ITPRIPL1: variants seen among roughly 807,000 people sequenced by gnomAD.
The protein encoded by ITPRIPL1 is ITPRIP like 1.
A neutral mutation model predicts 40.0 loss-of-function variants in ITPRIPL1; 28 were observed. That is an observed-to-expected ratio of 0.70 (90% CI 0.52 to 0.96). The LOEUF (loss-of-function observed/expected upper bound fraction) is 0.96. Ranked by LOEUF, ITPRIPL1 falls within the 40% of genes least tolerant of loss-of-function variation. The pLI, the probability that ITPRIPL1 is intolerant of heterozygous loss-of-function variation, is 0.00. For missense variants in ITPRIPL1, 638 were observed against 698.0 expected (o/e 0.91, Z 0.97); for synonymous variants, 251 against 275.7 (o/e 0.91, Z 0.89).
Position 96,327,767 on chromosome 2 carries a change from T to C in ITPRIPL1, c.1136T>C (p.Leu379Pro). ...GVQREDTLVY[L>P]VSQAPDQEQL... The stretch of plus-strand genomic sequence containing the variant: ...CAACGAGAAGACACCTTGGTCTACC[T>C]GGTGAGTCAGGCTCCTGACCAGGAG... Residue 379 changes from leucine to proline, a missense_variant, in exon 3 of 3, where the codon CTG (leucine) becomes CCG (proline). Physicochemically the swap from Leu to Pro is moderately conservative, Grantham distance 98. Coordinates refer to ENST00000439118, the MANE Select transcript of ITPRIPL1 (RefSeq NM_001008949.3). The C allele has an allele frequency of 6.2e-7, 1 of 1,614,008 alleles. No individual in the cohort carries two copies. The highest frequency in any genetic ancestry group is 2.2e-5 in the East Asian group (1 of 44,882).
chr2:96,327,496 C>A lies in ITPRIPL1; in HGVS notation c.865C>A (p.His289Asn), dbSNP rs2104389374. Residue 289 changes from histidine (H) to asparagine (N), a missense_variant, in exon 3 of 3, where the codon CAC becomes AAC. His to Asn is a moderately conservative substitution (Grantham distance 68). Transcript: ENST00000439118. ...LGDVLCLVHH[H>N]RDPSAVLGKC... ...GGACGTGCTGTGCCTGGTGCACCAC[C>A]ACAGGGACCCCTCGGCAGTCTTGGG... 1.2e-6 allele frequency: 2 copies of A among 1,614,056 alleles called. No individual in the cohort carries two copies. Among genetic ancestry groups the A allele is most frequent in the Non-Finnish European group, 8.5e-7 (1 of 1,179,994 alleles).
At position 96,328,309 on chromosome 2, in the gene ITPRIPL1, C is replaced by G; in HGVS notation, c.*10C>G. On this transcript the variant is annotated 3_prime_UTR_variant, in exon 3 of 3. Coordinates refer to ENST00000439118, the MANE Select transcript of ITPRIPL1 (RefSeq NM_001008949.3). Reference sequence around the variant, plus strand: ...GGCTGCAGCACCTTGATGTAAAGACCATTAAAAAAAAAACAGAGGAAGGTA... The same window carrying G: ...GGCTGCAGCACCTTGATGTAAAGACGATTAAAAAAAAAACAGAGGAAGGTA... 1.3e-6 allele frequency: 2 copies of G among 1,574,334 alleles called. No homozygotes were observed. Among genetic ancestry groups the G allele is most frequent in the Non-Finnish European group, 1.7e-6 (2 of 1,164,932 alleles).
Position 96,327,778 on chromosome 2 carries a change from G to T in ITPRIPL1, c.1147G>T (p.Ala383Ser), listed in dbSNP as rs2064128727. 2 of 1,613,936 alleles carry T rather than the reference G, an allele frequency of 1.2e-6. No homozygotes were observed. ...CACCTTGGTCTACCTGGTGAGTCAG[G>T]CTCCTGACCAGGAGCAGCTCACCAG... ...EDTLVYLVSQ[A>S]PDQEQLTSVD... Residue 383 changes from alanine to serine, a missense_variant, in exon 3 of 3, where the codon GCT (alanine) becomes TCT (serine). Ala to Ser is a moderately conservative substitution (Grantham distance 99). Transcript: ENST00000439118.
At chr2:96,326,273 G>A (rs1284583669) in intron 2 of ITPRIPL1, 1 of 1,443,348 alleles carries the variant, frequency 6.9e-7, no homozygotes, top group African/African-American at 1.4e-5. Flanking sequence ...GGATCAGCAG[G>A]TCATATCTGG....
rs375677383 is a variant in ITPRIPL1, at chr2:96,327,584, C to T, written c.953C>T (p.Thr318Ile). 15 of 1,610,288 alleles carry T rather than the reference C, an allele frequency of 9.3e-6. No homozygotes were observed. Among genetic ancestry groups the T allele is most frequent in the South Asian group, 2.2e-5 (2 of 90,542 alleles). ...GGCTTCCACCTAGACGTGTGCAAGA[C>T]TGTGCAGTGGTTCCGGAACATGATG... ...CTGFHLDVCK[T>I]VQWFRNMMGN... is the part of the protein sequence containing the mutation. The change falls in exon 3 of 3, where the codon ACT (threonine) becomes ATT (isoleucine). Residue 318 changes from threonine (T) to isoleucine (I), a missense_variant. By Grantham distance (89) the Thr-to-Ile change is moderately conservative. Transcript: ENST00000439118.
chr2:96,325,897 T>C, intron 2 of ITPRIPL1, 48 bp downstream of exon 2: 1 of 1,607,688 alleles, frequency 6.2e-7, no homozygotes, highest in Non-Finnish European at 8.5e-7. Context: ...AAGCTCGGGC[T>C]TCACGGGTGG....
Position 96,327,644 on chromosome 2 carries a change from A to T in ITPRIPL1, c.1013A>T (p.Asp338Val). The T allele has an allele frequency of 6.2e-7, 1 of 1,612,228 alleles. No homozygotes were observed. Among genetic ancestry groups the T allele is most frequent in the Non-Finnish European group, 8.5e-7 (1 of 1,179,402 alleles). The change falls in exon 3 of 3, where the codon GAC (aspartate) becomes GTC (valine). Residue 338 changes from aspartate (D) to valine (V), a missense_variant. Physicochemically the swap from Asp to Val is radical, Grantham distance 152. Coordinates refer to ENST00000439118, the MANE Select transcript of ITPRIPL1 (RefSeq NM_001008949.3). The stretch of plus-strand genomic sequence containing the variant: ...TGGGCCCTTGTGGCCCACAAGTATG[A>T]CTTTAAACTCAGTCTCCCACCGTCT... ...NAWALVAHKY[D>V]FKLSLPPSTT...
At chr2:96,326,099 C>T in intron 2 of ITPRIPL1, 1 of 1,359,810 alleles carries the variant, frequency 7.4e-7, no homozygotes, top group South Asian at 1.3e-5. Flanking sequence ...GCTCCCTGGG[C>T]AGAGAGGGAG....
At chr2:96,329,489 G>A (rs549704050), downstream of ITPRIPL1, 3 of 150,370 alleles carry the variant, frequency 2.0e-5, no homozygotes, top group South Asian at 6.3e-4. Flanking sequence ...GGAGCCACTT[G>A]TTGAGTGTAA....
In ITPRIPL1 at chr2:96,327,868, G is replaced by GC. The variant is rs773063556; in HGVS notation, c.1242dup (p.Glu415ArgfsTer36). The GC allele has an allele frequency of 1.2e-6, 2 of 1,613,984 alleles. No individual in the cohort carries two copies. Among genetic ancestry groups the GC allele is most frequent in the Non-Finnish European group, 1.7e-6 (2 of 1,180,008 alleles). ...GTTCCTGAAGCTGGTGGGGCGCTTT[G>GC]CCCCCGAGAACACCTGTCACCTCAA... On this transcript the variant is annotated frameshift_variant, in exon 3 of 3. Transcript: ENST00000439118. LOFTEE classifies it high-confidence loss of function.
rs1441822515 is a variant in ITPRIPL1 at position 96,327,934 on chromosome 2, T to A, written c.1303T>A (p.Leu435Ile). The stretch of plus-strand genomic sequence containing the variant: ...TTTAAGTCTCCGGCAGCATCAGAGC[T>A]TACCCCATGGAGCATCCCGCCCCAT... ...IILSLRQHQS[L>I]PHGASRPILT... Residue 435 changes from leucine to isoleucine, a missense_variant, in exon 3 of 3, where the codon TTA (leucine) becomes ATA (isoleucine). Transcript: ENST00000439118. 1.9e-6 allele frequency: 3 copies of A among 1,613,724 alleles called. No homozygotes were observed. The East Asian group carries it at 6.7e-5, about 36-fold the overall frequency.
intron 2 of ITPRIPL1, 109 bp from the exon 3 acceptor site, chr2:96,326,533 T>C: frequency 6.4e-7 from 1 of 1,571,302 alleles, no homozygotes; most frequent in Non-Finnish European, 8.6e-7. Context: ...CTGTTCCTCC[T>C]GAGTAGCTGA....
downstream of ITPRIPL1, chr2:96,328,399 C>T: frequency 8.0e-7 from 1 of 1,249,936 alleles, no homozygotes; most frequent in Middle Eastern, 2.0e-4. Flanking sequence ...ATGTGACCTT[C>T]ACCTTGCCAG....
At position 96,325,494 on chromosome 2, in the gene ITPRIPL1, C is replaced by G. The variant is rs941379804; in HGVS notation, c.-165C>G. The stretch of plus-strand genomic sequence containing the variant: ...CCAGCGATGAACCGGACGCCCCCAC[C>G]CTGCCGGGAAAAAAGCAGTGGCGGT... On this transcript the variant is annotated 5_prime_UTR_variant, in exon 1 of 3. Coordinates refer to ENST00000439118, the MANE Select transcript of ITPRIPL1 (RefSeq NM_001008949.3). 5.7e-5 allele frequency: 23 copies of G among 402,790 alleles called. No individual in the cohort carries two copies. The highest frequency in any genetic ancestry group is 1.5e-3 in the Middle Eastern group (2 of 1,362). The allele number at this position is 402,790 out of a possible 1,614,324, so 25.0% of individuals were successfully genotyped here. A position where few individuals can be genotyped will look rare whatever the true frequency, so the allele number is the denominator to read the frequency against.
Position 96,326,693 on chromosome 2 carries a change from ATGT to A in ITPRIPL1, c.67_69del (p.Val23del), listed in dbSNP as rs1558780031. The A allele has an allele frequency of 6.2e-7, 1 of 1,614,210 alleles. No individual in the cohort carries two copies. The highest frequency in any genetic ancestry group is 8.5e-7 in the Non-Finnish European group (1 of 1,180,034). On this transcript the variant is annotated inframe_deletion, in exon 3 of 3. Coordinates refer to ENST00000439118, the MANE Select transcript of ITPRIPL1 (RefSeq NM_001008949.3). ...AGCCTGCTGTTCTTGGCAGTGATGT[ATGT>A]TGTTCACCACCCTCTGATGGTCAGT...
At chr2:96,326,225 C>G (rs1321706086) in intron 2 of ITPRIPL1, 20 of 1,440,060 alleles carry the variant, frequency 1.4e-5, no homozygotes, top group Middle Eastern at 3.6e-4. Context: ...GTCACCCAGG[C>G]AGGTTCAGGG....
Position 96,325,560 on chromosome 2 carries a change from C to T in ITPRIPL1, c.-99C>T, listed in dbSNP as rs183487009. 1.0e-2 allele frequency: 5,636 copies of T among 565,964 alleles called. 46 individuals are homozygous for T. Among genetic ancestry groups the T allele is most frequent in the South Asian group, 0.016 (797 of 49,298 alleles). The allele number at this position is 565,964 out of a possible 1,614,324, so 35.1% of individuals were successfully genotyped here. On this transcript the variant is annotated 5_prime_UTR_variant, in exon 1 of 3. Coordinates refer to ENST00000439118, the MANE Select transcript of ITPRIPL1 (RefSeq NM_001008949.3). ...CTTTAAGATCGTGTTCCTACTAACACTGACGGTGAGTAACCTGGCCCTGGG... is the reference window on the plus strand; with the variant it reads ...CTTTAAGATCGTGTTCCTACTAACATTGACGGTGAGTAACCTGGCCCTGGG...
At position 96,327,226 on chromosome 2, in the gene ITPRIPL1, G is replaced by A. The variant is rs1425479991; in HGVS notation, c.595G>A (p.Glu199Lys). 1.2e-6 allele frequency: 2 copies of A among 1,614,120 alleles called. No individual in the cohort carries two copies. Among genetic ancestry groups the A allele is most frequent in the South Asian group, 2.2e-5 (2 of 91,076 alleles). The change falls in exon 3 of 3, where the codon GAG becomes AAG. Residue 199 changes from glutamate (E) to lysine (K), a missense_variant. Coordinates refer to ENST00000439118, the MANE Select transcript of ITPRIPL1 (RefSeq NM_001008949.3). ...GGAGAGTTTTGTGGATGATCTCATT[G>A]AGGCCTGTCGGGTGCTCAGCCGCCA... ...FVESFVDDLI[E>K]ACRVLSRQEA...
rs1341903247 is a variant in ITPRIPL1, at chr2:96,327,408, C to T, written c.777C>T (p.Gly259=). 6.2e-7 allele frequency: 1 copy of T among 1,613,858 alleles called. No homozygotes were observed. Among genetic ancestry groups the T allele is most frequent in the Admixed American group, 1.7e-5 (1 of 59,988 alleles). Residue 259 remains glycine (G), a synonymous_variant, in exon 3 of 3, where the codon GGC becomes GGT. Coordinates refer to ENST00000439118, the MANE Select transcript of ITPRIPL1 (RefSeq NM_001008949.3). The part of the protein sequence containing the change: ...FVLEMRDPAL[G]RRCGCVLVES... ...TGGAGATGAGGGACCCAGCCCTGGG[C>T]CGCCGCTGTGGCTGTGTGCTGGTGG... is the stretch of plus-strand genomic sequence containing the variant.
Sources: gnomAD v4.1 joint callset for allele counts on GRCh38, gnomAD v4.1.1 for gene constraint, MANE v1.5 for transcripts, NCBI Gene and HGNC (gene_info 2026-07-23, HGNC 2026-07-21) for gene names.